The following ZC3H12B variants were observed in gnomAD, a reference collection of about 807,000 sequenced individuals.
ZC3H12B encodes the protein zinc finger CCCH-type containing 12B.
Under a neutral mutation model 43.9 loss-of-function variants are expected in ZC3H12B, and 7 were observed. That is an observed-to-expected ratio of 0.16 (90% CI 0.09 to 0.30). The LOEUF (loss-of-function observed/expected upper bound fraction) is 0.30, where lower values mean the gene tolerates loss of function less well. ZC3H12B is among the 10% of genes least tolerant of loss of function. The pLI, the probability that ZC3H12B is intolerant of heterozygous loss-of-function variation, is 1.00. For missense variants in ZC3H12B, 475 were observed against 670.2 expected (o/e 0.71, Z 3.22); for synonymous variants, 222 against 241.7 (o/e 0.92, Z 0.76).
At chrX:65,502,840 C>G in exon 5 of ZC3H12B, 2 of 1,210,941 alleles carry the variant, frequency 1.7e-6, no homozygotes, top group Non-Finnish European at 2.2e-6. Context: ...AGAGCAACCC[C>G]GTGAGGCAAA....
chrX:65,085,417 T>TA, the ZC3H12B span, among the ~76,000 whole-genome samples: 29 of 110,338 alleles, frequency 2.6e-4, no homozygotes, highest in African/African-American at 5.9e-4. Flanking sequence ...AAATTAAAAA[T>TA]AAAAAAAAAT....
intron 3 of ZC3H12B, among the ~76,000 whole-genome samples, chrX:65,460,510 G>A (rs757353088): frequency 1.8e-5 from 2 of 111,653 alleles, no homozygotes; most frequent in East Asian, 5.6e-4. Context: ...CCAAAACAGA[G>A]ATATAGACCA....
chrX:65,103,234 T>C, the ZC3H12B span, among the ~76,000 whole-genome samples: 1 of 111,560 alleles, frequency 9.0e-6, no homozygotes, highest in Admixed American at 9.5e-5. Flanking sequence ...TAGGAAAGCA[T>C]TCTCTTTCTC....
At chrX:65,160,463 T>C in the ZC3H12B span, among the ~76,000 whole-genome samples, 1 of 112,055 alleles carries the variant, frequency 8.9e-6, no homozygotes, top group Non-Finnish European at 1.9e-5. Context: ...TATTCAGAGA[T>C]TCAACTTCTT....
At chrX:65,064,893 G>T in the ZC3H12B span, among the ~76,000 whole-genome samples, 2 of 111,227 alleles carry the variant, frequency 1.8e-5, no homozygotes, top group Non-Finnish European at 3.8e-5. Context: ...TTACCATTAC[G>T]TGTTGCCTTT....
chrX:65,406,460 A>G (rs1409065331), intron 3 of ZC3H12B, among the ~76,000 whole-genome samples: 9 of 106,461 alleles, frequency 8.5e-5, no homozygotes, highest in Non-Finnish European at 1.6e-4. Flanking sequence ...TCATGATTAA[A>G]AAAAAAAAAA....
chrX:65,255,265 C>A, the ZC3H12B span, among the ~76,000 whole-genome samples: 1 of 111,191 alleles, frequency 9.0e-6, no homozygotes, highest in Non-Finnish European at 1.9e-5. Flanking sequence ...TAGCTTCTCC[C>A]AGGTCAAATT....
chrX:65,212,147 CATT>C, the ZC3H12B span, among the ~76,000 whole-genome samples: 3 of 45,568 alleles, frequency 6.6e-5, no homozygotes, highest in Non-Finnish European at 1.1e-4. Flanking sequence ...ATTATATTAA[CATT>C]ATATTAGTAT....
At chrX:65,364,409 C>CAA (rs796078421), upstream of ZC3H12B, among the ~76,000 whole-genome samples, 66 of 55,754 alleles carry the variant, frequency 1.2e-3, no homozygotes, top group African/African-American at 3.2e-3. Context: ...GCTTTACTTC[C>CAA]AAAAAAAAAA....
the ZC3H12B span, among the ~76,000 whole-genome samples, chrX:65,138,416 A>C: frequency 9.0e-6 from 1 of 111,494 alleles, no homozygotes; most frequent in Non-Finnish European, 1.9e-5. Context: ...AGGATTTTCT[A>C]CTTTTAAAAG....
the ZC3H12B span, among the ~76,000 whole-genome samples, chrX:65,188,953 CA>C: frequency 1.4e-5 from 1 of 72,999 alleles, no homozygotes; most frequent in South Asian, 1.4e-3. Flanking sequence ...CCCCTCCCCC[CA>C]CCCCACCACA....
the ZC3H12B span, among the ~76,000 whole-genome samples, chrX:65,112,931 C>T: frequency 3.6e-5 from 4 of 111,945 alleles, no homozygotes; most frequent in Non-Finnish European, 5.7e-5. Flanking sequence ...GATAATGATT[C>T]TTCTGATGGA....
intron 3 of ZC3H12B, among the ~76,000 whole-genome samples, chrX:65,467,497 A>G: frequency 8.9e-6 from 1 of 111,734 alleles, no homozygotes; most frequent in Non-Finnish European, 1.9e-5. Flanking sequence ...TGAATGGCAG[A>G]TCTACTTTTA....
the ZC3H12B span, among the ~76,000 whole-genome samples, chrX:65,056,866 G>A: frequency 3.1e-4 from 35 of 111,598 alleles, no homozygotes; most frequent in African/African-American, 1.1e-3. Context: ...CTTTTGATCT[G>A]TGTTGGTTTA....
the ZC3H12B span, chrX:65,186,008 G>A: frequency 9.0e-6 from 1 of 111,513 alleles, no homozygotes; most frequent in East Asian, 2.8e-4. Context: ...TACAATCAGA[G>A]AAAGGCACGC....
At chrX:65,340,742 C>T in the ZC3H12B span, among the ~76,000 whole-genome samples, 1 of 112,343 alleles carries the variant, frequency 8.9e-6, no homozygotes, top group South Asian at 3.6e-4. Context: ...GGAACATCAA[C>T]CCACAAAGAT....
At chrX:65,191,407 C>T in the ZC3H12B span, among the ~76,000 whole-genome samples, 1 of 96,301 alleles carries the variant, frequency 1.0e-5, no homozygotes, top group African/African-American at 4.2e-5. Flanking sequence ...TGGTAGAATT[C>T]GGCTGTGAAT....
the ZC3H12B span, among the ~76,000 whole-genome samples, chrX:65,103,990 G>A: frequency 9.0e-6 from 1 of 111,607 alleles, no homozygotes; most frequent in African/African-American, 3.3e-5. Context: ...AACAAAGCTG[G>A]AGGTATCATG....
chrX:65,322,533 T>C, the ZC3H12B span, among the ~76,000 whole-genome samples: 1 of 112,569 alleles, frequency 8.9e-6, no homozygotes, highest in African/African-American at 3.2e-5. Flanking sequence ...CACATCTTTG[T>C]TGAAAATCAG....
Sources: allele counts gnomAD v4.1 joint callset (sites outside exome capture counted in the v4.1 genomes callset), GRCh38; gene constraint gnomAD v4.1.1; transcripts MANE v1.5; gene names NCBI Gene and HGNC (gene_info 2026-07-23, HGNC 2026-07-21).